The following PCDHA1 variants were observed in gnomAD, a reference collection of about 807,000 sequenced individuals.
The protein encoded by PCDHA1 is protocadherin alpha-1.
A neutral mutation model predicts 61.3 loss-of-function variants in PCDHA1; 42 were observed. The observed-to-expected ratio is 0.69, with a 90% confidence interval of 0.54 to 0.89. The LOEUF (loss-of-function observed/expected upper bound fraction) is 0.89, where lower values mean the gene tolerates loss of function less well. Among genes scored for constraint, PCDHA1 ranks in the 40% least tolerant of loss-of-function variants. The pLI is 0.00. For synonymous variants in PCDHA1, 610 were observed against 553.8 expected, an observed-to-expected ratio of 1.10 and a Z score of -1.43; for missense variants, 1,256 against 1,235.3, an observed-to-expected ratio of 1.02 and a Z score of -0.25.
At chr5:140,937,824 A>G (rs1229119616) in intron 1 of PCDHA1, among the ~76,000 whole-genome samples, 1 of 151,696 alleles carries the variant, frequency 6.6e-6, no homozygotes, top group African/African-American at 2.4e-5. Context: ...AGGCAGGAGA[A>G]TGGCATGAAC....
At chr5:140,845,981 G>A (rs1025810525) in intron 1 of PCDHA1, among the ~76,000 whole-genome samples, 13 of 149,478 alleles carry the variant, frequency 8.7e-5, no homozygotes, top group Non-Finnish European at 1.9e-4. Context: ...TCAATATTTT[G>A]AATGTTGTGT....
intron 1 of PCDHA1, among the ~76,000 whole-genome samples, chr5:140,936,282 T>C (rs781971653): frequency 6.6e-6 from 1 of 152,250 alleles, no homozygotes; most frequent in Non-Finnish European, 1.5e-5. Context: ...CTGTGTTTTC[T>C]TCTATAACAT....
Position 141,009,628 on chromosome 5 carries a change from A to G in PCDHA1, c.2544A>G (p.Glu848=), listed in dbSNP as rs1441195912. The G allele has an allele frequency of 1.2e-6, 2 of 1,613,000 alleles. No individual in the cohort carries two copies. The highest frequency in any genetic ancestry group is 2.2e-5 in the East Asian group (1 of 44,852). Residue 848 remains glutamate, a splice_region_variant and synonymous_variant, in exon 4 of 4, where the codon GAA becomes GAG. Coordinates refer to ENST00000504120, the MANE Select transcript of PCDHA1 (RefSeq NM_018900.4). ...GATTTGTAATGTTTTGTCTTTCAGA[A>G]CCAGAGGCAGGAGAAGTGTCCCCTC... is the stretch of plus-strand genomic sequence containing the variant. ...QWPTVSSATP[E]PEAGEVSPPV...
At position 140,829,335 on chromosome 5, in the gene PCDHA1, G is replaced by T. The variant is rs2150166074; in HGVS notation, c.2394+40651G>T. 2.5e-6 allele frequency: 4 copies of T among 1,614,114 alleles called. No homozygotes were observed. In the African/African-American group the frequency reaches 5.3e-5, roughly 22 times the overall value. ...TTGGTGCTGGACAGTGCCCTGGACC[G>T]CGAGAGCGTGTCGGCCTATGAGTTG... On this transcript the variant is annotated intron_variant, in intron 1 of 3. Transcript: ENST00000504120.
chr5:140,893,689 A>T (rs999117899), intron 1 of PCDHA1, among the ~76,000 whole-genome samples: 1 of 152,192 alleles, frequency 6.6e-6, no homozygotes, highest in Admixed American at 6.5e-5. Flanking sequence ...ATATCATCTC[A>T]TTCTATCCTA....
intron 1 of PCDHA1, chr5:140,835,740 C>T (rs1554135229): frequency 2.5e-6 from 4 of 1,613,594 alleles, no homozygotes; most frequent in Non-Finnish European, 3.4e-6. Flanking sequence ...CGACAACGCC[C>T]CGGCGTTCGC....
chr5:140,843,344 G>C lies in PCDHA1; in HGVS notation c.2394+54660G>C, dbSNP rs201264675. ...GGTGTCGCTGGTGGAGAGCGGCCAGGCTCCAAAAGCGTCATCGAGGCAGTC... is the reference window on the plus strand; with the variant it reads ...GGTGTCGCTGGTGGAGAGCGGCCAGCCTCCAAAAGCGTCATCGAGGCAGTC... On this transcript the variant is annotated intron_variant, in intron 1 of 3. Transcript: ENST00000504120. The C allele has an allele frequency of 3.6e-5, 58 of 1,595,962 alleles. 5 individuals carry two copies. Among genetic ancestry groups the C allele is most frequent in the Non-Finnish European group, 4.3e-5 (50 of 1,165,608 alleles).
At chr5:140,868,895 G>C in intron 1 of PCDHA1, 2 of 777,188 alleles carry the variant, frequency 2.6e-6, no homozygotes, top group Non-Finnish European at 4.0e-6. Flanking sequence ...TAGGCGCAAG[G>C]TGTCGCTCTT....
At chr5:140,936,112 C>T (rs782017334) in intron 1 of PCDHA1, among the ~76,000 whole-genome samples, 2 of 152,008 alleles carry the variant, frequency 1.3e-5, no homozygotes, top group Non-Finnish European at 2.9e-5. Context: ...AGGCTGGTCT[C>T]GAACTCCTGA....
intron 1 of PCDHA1, chr5:140,794,735 A>T: frequency 4.0e-6 from 2 of 499,934 alleles, no homozygotes; most frequent in South Asian, 9.2e-5. Context: ...TTAAACCAGA[A>T]AATCGACTAG....
At chr5:140,849,432 A>C (rs2150437335) in intron 1 of PCDHA1, 5 of 1,580,716 alleles carry the variant, frequency 3.2e-6, no homozygotes, top group African/African-American at 1.4e-5. Context: ...TTTTGAAGAA[A>C]GTAGAGCACA....
chr5:140,870,554 A>G (rs1554164402), intron 1 of PCDHA1: 1 of 1,614,044 alleles, frequency 6.2e-7, no homozygotes, highest in Non-Finnish European at 8.5e-7. Flanking sequence ...GCGGACGCGC[A>G]GGAGAACGCG....
chr5:140,940,437 C>T (rs1212783028), intron 1 of PCDHA1, among the ~76,000 whole-genome samples: 1 of 151,730 alleles, frequency 6.6e-6, no homozygotes, highest in Non-Finnish European at 1.5e-5. Context: ...TCAAGTCTGC[C>T]ATGATATTTT....
At chr5:140,877,403 G>A (rs199806507) in intron 1 of PCDHA1, 243 of 1,613,770 alleles carry the variant, frequency 1.5e-4, no homozygotes, top group Non-Finnish European at 1.9e-4. Flanking sequence ...GACGCTCCGC[G>A]CCACCGCCTG....
intron 1 of PCDHA1, among the ~76,000 whole-genome samples, chr5:140,894,823 A>G (rs933081275): frequency 2.0e-5 from 3 of 152,080 alleles, no homozygotes; most frequent in Non-Finnish European, 2.9e-5. Context: ...AGATTTGCCC[A>G]TAATCCTTTT....
chr5:140,804,882 C>A, intron 1 of PCDHA1: 4 of 589,346 alleles, frequency 6.8e-6, no homozygotes, highest in South Asian at 3.2e-5. Flanking sequence ...TTCTTGACTC[C>A]TCTCCTTCCC....
At position 140,836,922 on chromosome 5, in the gene PCDHA1, A is replaced by T; in HGVS notation, c.2394+48238A>T. On this transcript the variant is annotated intron_variant, in intron 1 of 3. Coordinates refer to ENST00000504120, the MANE Select transcript of PCDHA1 (RefSeq NM_018900.4). ...GTTTAATATACACTTTTGTTTTGGGATGCGTAATACTATAGATCAAAATCT... is the reference window on the plus strand; with the variant it reads ...GTTTAATATACACTTTTGTTTTGGGTTGCGTAATACTATAGATCAAAATCT... The T allele has an allele frequency of 5.6e-6, 3 of 537,660 alleles. No homozygotes were observed. In the South Asian group the frequency reaches 9.2e-5, roughly 16 times the overall value. 33.3% of individuals were successfully genotyped at this position (537,660 alleles called of 1,614,324 possible). A position where few individuals can be genotyped will look rare whatever the true frequency, so the allele number is the denominator to read the frequency against.
chr5:140,832,249 G>A (rs1268506433), intron 1 of PCDHA1, among the ~76,000 whole-genome samples: 1 of 152,168 alleles, frequency 6.6e-6, no homozygotes, highest in Non-Finnish European at 1.5e-5. Context: ...TGTTGTCCAT[G>A]TTCCCAGGAA....
intron 3 of PCDHA1, among the ~76,000 whole-genome samples, chr5:141,000,395 CTATATATATA>C (rs1190667031): frequency 1.9e-5 from 1 of 53,986 alleles, no homozygotes; most frequent in Non-Finnish European, 3.2e-5. Context: ...CTCTCTCTCT[CTATATATATA>C]TATATATATA....
Sources: allele counts gnomAD v4.1 joint callset (sites outside exome capture counted in the v4.1 genomes callset), GRCh38; gene constraint gnomAD v4.1.1; transcripts MANE v1.5; gene names NCBI Gene and HGNC (gene_info 2026-07-23, HGNC 2026-07-21).